Variants in SPAG16 observed in about 807,000 individuals in gnomAD.
SPAG16 encodes the protein sperm associated antigen 16.
SPAG16 carries 86 observed loss-of-function variants against 80.4 expected under a neutral mutation model. That is an observed-to-expected ratio of 1.07 (90% CI 0.90 to 1.28). The LOEUF is 1.28. Ranked by LOEUF, SPAG16 falls within the 50% of genes most tolerant of loss-of-function variation. The probability of loss-of-function intolerance (pLI) is 0.00; values close to 1 mark genes in which losing one functional copy is unlikely to be tolerated. For missense variants in SPAG16, 870 were observed against 765.3 expected, an observed-to-expected ratio of 1.14 and a Z score of -1.61; for synonymous variants, 294 against 265.9, an observed-to-expected ratio of 1.11 and a Z score of -1.03.
At position 213,720,149 on chromosome 2, in the gene SPAG16, G is replaced by A. The variant is rs150305085; in HGVS notation, c.1071-142336G>A. 2.0e-3 allele frequency among the ~76,000 whole-genome samples: 310 copies of A among 152,196 alleles called. 2 individuals carry two copies. Among genetic ancestry groups the A allele is most frequent in the African/African-American group, 6.9e-3 (285 of 41,528 alleles). On this transcript the variant is annotated intron_variant, in intron 10 of 15. Coordinates refer to ENST00000331683, the MANE Select transcript of SPAG16 (RefSeq NM_024532.5). ...GGATTTGAACAATGAGAATTCATGG[G>A]CACACGGAGGGGAACATCACACACC...
chr2:214,403,183 C>A (rs888899426), intron 15 of SPAG16, among the ~76,000 whole-genome samples: 7 of 151,662 alleles, frequency 4.6e-5, no homozygotes, highest in Non-Finnish European at 1.0e-4. Context: ...TTCTAAACTT[C>A]ATTTCCCTCT....
At chr2:213,945,331 A>G (rs1402813076) in intron 12 of SPAG16, among the ~76,000 whole-genome samples, 2 of 148,624 alleles carry the variant, frequency 1.3e-5, no homozygotes, top group African/African-American at 5.0e-5. Flanking sequence ...GTTTGTGTAT[A>G]TATAGTATAT....
rs1553648765 is a variant in SPAG16, at chr2:213,869,270, T to TATATAC, written c.1214+6647_1214+6648insCATATA. 2.0e-4 allele frequency among the ~76,000 whole-genome samples: 14 copies of TATATAC among 69,668 alleles called. 1 individual carries two copies. Among genetic ancestry groups the TATATAC allele is most frequent in the African/African-American group, 2.8e-4 (7 of 25,440 alleles). 45.7% of individuals were successfully genotyped at this position (69,668 alleles called of 152,430 possible). A position where few individuals can be genotyped will look rare whatever the true frequency, so the allele number is the denominator to read the frequency against. ...GTCCATGTCAAAAAAAAAAAATATA[T>TATATAC]ATATATATATGTATATATATATGTA... On this transcript the variant is annotated intron_variant, in intron 11 of 15. Transcript: ENST00000331683.
At chr2:214,141,443 G>T (rs2055354403) in intron 14 of SPAG16, among the ~76,000 whole-genome samples, 1 of 150,894 alleles carries the variant, frequency 6.6e-6, no homozygotes, top group African/African-American at 2.4e-5. Flanking sequence ...CTCCAGCCCG[G>T]GTGACAGAGT....
chr2:213,930,208 A>C, intron 12 of SPAG16, 63 bp downstream of exon 12: 1 of 1,327,008 alleles, frequency 7.5e-7, no homozygotes. Flanking sequence ...GTAAAGTGGT[A>C]AAGTTCTTTT....
chr2:214,000,795 G>T (rs1252724847), intron 12 of SPAG16, among the ~76,000 whole-genome samples: 1 of 152,190 alleles, frequency 6.6e-6, no homozygotes, highest in Non-Finnish European at 1.5e-5. Flanking sequence ...AGCTTTGAAG[G>T]CAAGCTCTGC....
At chr2:214,403,089 C>T (rs1040718112) in intron 15 of SPAG16, among the ~76,000 whole-genome samples, 6 of 149,420 alleles carry the variant, frequency 4.0e-5, no homozygotes, top group African/African-American at 9.8e-5. Flanking sequence ...TAAAAGATAA[C>T]AGCATGAGCC....
chr2:214,020,870 A>C (rs2125002931), intron 13 of SPAG16, among the ~76,000 whole-genome samples: 1 of 152,316 alleles, frequency 6.6e-6, no homozygotes, highest in South Asian at 2.1e-4. Context: ...AGATACAAGG[A>C]CTTTTAAAGG....
At chr2:214,101,217 C>T (rs2125370394) in intron 13 of SPAG16, among the ~76,000 whole-genome samples, 1 of 152,060 alleles carries the variant, frequency 6.6e-6, no homozygotes, top group African/African-American at 2.4e-5. Flanking sequence ...AGGGAACAAG[C>T]TTAATCTTTA....
chr2:213,403,272 T>C (rs2068425911), intron 9 of SPAG16, among the ~76,000 whole-genome samples: 1 of 152,084 alleles, frequency 6.6e-6, no homozygotes. Flanking sequence ...TTTGATGGGG[T>C]TGTTTGTTTT....
At chr2:213,754,909 G>A (rs181361586) in intron 10 of SPAG16, among the ~76,000 whole-genome samples, 10 of 152,262 alleles carry the variant, frequency 6.6e-5, no homozygotes, top group Admixed American at 2.0e-4. Context: ...TCATGCTGTT[G>A]GCACTTGAGC....
intron 14 of SPAG16, among the ~76,000 whole-genome samples, chr2:214,133,842 G>A (rs1171890191): frequency 1.3e-5 from 2 of 152,098 alleles, no homozygotes; most frequent in Non-Finnish European, 2.9e-5. Context: ...AAAAAGCTCT[G>A]GTGATTGCCT....
chr2:213,539,349 G>A (rs2076352910), intron 10 of SPAG16, among the ~76,000 whole-genome samples: 2 of 152,052 alleles, frequency 1.3e-5, no homozygotes, highest in African/African-American at 2.4e-5. Flanking sequence ...CATAGCTTGT[G>A]GTGACAATGT....
intron 10 of SPAG16, among the ~76,000 whole-genome samples, chr2:213,680,017 C>T (rs1198114952): frequency 6.6e-6 from 1 of 152,062 alleles, no homozygotes; most frequent in Non-Finnish European, 1.5e-5. Flanking sequence ...CACATATACA[C>T]ACTCCTAGCA....
At chr2:214,047,792 T>C (rs1219380766) in intron 13 of SPAG16, among the ~76,000 whole-genome samples, 1 of 152,146 alleles carries the variant, frequency 6.6e-6, no homozygotes, top group Non-Finnish European at 1.5e-5. Context: ...ACTACACATC[T>C]GATAAGGTAT....
At chr2:214,236,970 C>T (rs1003807339) in intron 15 of SPAG16, among the ~76,000 whole-genome samples, 1 of 152,170 alleles carries the variant, frequency 6.6e-6, no homozygotes, top group African/African-American at 2.4e-5. Flanking sequence ...GCATTCTCCC[C>T]AGAGTGACAT....
At chr2:213,561,226 C>T (rs1247509754) in intron 10 of SPAG16, among the ~76,000 whole-genome samples, 1 of 152,086 alleles carries the variant, frequency 6.6e-6, no homozygotes, top group African/African-American at 2.4e-5. Flanking sequence ...TATGCTAGTA[C>T]TTTAATAATT....
chr2:213,447,574 G>T (rs918916771), intron 9 of SPAG16, among the ~76,000 whole-genome samples: 1 of 152,116 alleles, frequency 6.6e-6, no homozygotes, highest in African/African-American at 2.4e-5. Context: ...GCATCCCTAG[G>T]CCCCTCGGAT....
intron 5 of SPAG16, among the ~76,000 whole-genome samples, chr2:213,324,353 C>T (rs2063755508): frequency 6.6e-6 from 1 of 152,098 alleles, no homozygotes; most frequent in Admixed American, 6.6e-5. Flanking sequence ...AACGGATAAA[C>T]TCTTAAACAT....
Sources: allele counts gnomAD v4.1 joint callset (sites outside exome capture counted in the v4.1 genomes callset), GRCh38; gene constraint gnomAD v4.1.1; transcripts MANE v1.5; gene names NCBI Gene and HGNC (gene_info 2026-07-23, HGNC 2026-07-21).